Variants in PAPPA2 observed in about 807,000 individuals in gnomAD.
PAPPA2 encodes pappalysin 2.
A neutral mutation model predicts 176.4 loss-of-function variants in PAPPA2; 86 were observed. The observed-to-expected ratio is 0.49, with a 90% CI of 0.41 to 0.58. The LOEUF is 0.58. Ranked by LOEUF, PAPPA2 falls within the 20% of genes least tolerant of loss-of-function variation. PAPPA2 has a pLI of 0.00. For missense variants in PAPPA2, 2,073 were observed against 2,256.9 expected (o/e 0.92, Z 1.65); for synonymous variants, 809 against 852.2 (o/e 0.95, Z 0.88).
In PAPPA2 at chr1:176,603,825, C is replaced by T. The variant is rs1392401756; in HGVS notation, c.1991+8230C>T. 3.9e-5 allele frequency among the ~76,000 whole-genome samples: 6 copies of T among 152,062 alleles called. No homozygotes were observed. In the East Asian group the frequency reaches 7.7e-4, roughly 20 times the overall value. On this transcript the variant is annotated intron_variant, in intron 3 of 22. Transcript: ENST00000367662. Reference sequence around the variant, plus strand: ...CACTTTTGCCCTTGCACTGTTGCCCCGAGTCTATTTTTAACATAGCAATCA... The same window carrying T: ...CACTTTTGCCCTTGCACTGTTGCCCTGAGTCTATTTTTAACATAGCAATCA...
intron 3 of PAPPA2, among the ~76,000 whole-genome samples, chr1:176,625,774 A>AG (rs1396258778): frequency 6.6e-6 from 1 of 152,228 alleles, no homozygotes; most frequent in East Asian, 1.9e-4. Flanking sequence ...TAATCCCTGT[A>AG]GTTTGGGAGG....
At chr1:176,716,902 C>A (rs1022625625) in intron 12 of PAPPA2, among the ~76,000 whole-genome samples, 3 of 152,116 alleles carry the variant, frequency 2.0e-5, no homozygotes, top group African/African-American at 7.2e-5. Context: ...TGAGACACTG[C>A]GCCCGGCCAC....
chr1:176,470,378 A>AAC (rs1168907292), intron 1 of PAPPA2, among the ~76,000 whole-genome samples: 3 of 152,202 alleles, frequency 2.0e-5, no homozygotes, highest in African/African-American at 7.2e-5. Flanking sequence ...CTCAATGGAC[A>AAC]GTTGTGTAAA....
At chr1:176,708,372 G>A (rs1660975158) in intron 10 of PAPPA2, among the ~76,000 whole-genome samples, 3 of 151,932 alleles carry the variant, frequency 2.0e-5, no homozygotes. Flanking sequence ...AGGTTTGAAG[G>A]AACCCCATTG....
intron 2 of PAPPA2, among the ~76,000 whole-genome samples, 158 bp downstream of exon 2, chr1:176,557,399 G>A (rs1345380162): frequency 4.6e-5 from 7 of 152,130 alleles, no homozygotes; most frequent in South Asian, 2.1e-4. Flanking sequence ...TAATCAGCAC[G>A]GCAGGATTCC....
intron 14 of PAPPA2, among the ~76,000 whole-genome samples, chr1:176,749,501 T>G (rs1663066195): frequency 6.6e-6 from 1 of 152,248 alleles, no homozygotes. Context: ...GTGTTTGTTG[T>G]ACATTCTATG....
At chr1:176,790,119 C>T in intron 18 of PAPPA2, 142 bp downstream of exon 18, 1 of 967,762 alleles carries the variant, frequency 1.0e-6, no homozygotes, top group Non-Finnish European at 1.5e-6. Context: ...TGGTATTATG[C>T]AATAGAAAAT....
intron 21 of PAPPA2, among the ~76,000 whole-genome samples, chr1:176,831,894 CT>C (rs997838596): frequency 9.2e-5 from 14 of 152,122 alleles, no homozygotes; most frequent in African/African-American, 3.4e-4. Context: ...CATTTCTTTT[CT>C]GTTTTTATAA....
At chr1:176,486,799 A>G (rs2223580) in intron 1 of PAPPA2, among the ~76,000 whole-genome samples, 56,469 of 151,948 alleles carry the variant, frequency 0.37, 12,352 homozygotes, top group African/African-American at 0.59. Context: ...GCGAGCATGA[A>G]AAAAAGCACA....
intron 2 of PAPPA2, among the ~76,000 whole-genome samples, chr1:176,572,994 A>G (rs1230558652): frequency 6.6e-6 from 1 of 152,230 alleles, no homozygotes; most frequent in Non-Finnish European, 1.5e-5. Flanking sequence ...TATTTATTTG[A>G]CTGAGAAGAG....
chr1:176,665,993 A>C (rs986148022), intron 3 of PAPPA2, among the ~76,000 whole-genome samples: 1 of 152,168 alleles, frequency 6.6e-6, no homozygotes, highest in African/African-American at 2.4e-5. Context: ...TATGTTGGGG[A>C]GTTGTTCGAA....
At chr1:176,634,629 C>T (rs962255818) in intron 3 of PAPPA2, among the ~76,000 whole-genome samples, 13 of 150,634 alleles carry the variant, frequency 8.6e-5, no homozygotes, top group Non-Finnish European at 1.6e-4. Flanking sequence ...ACACTTGAAC[C>T]CAGGTGATTT....
intron 1 of PAPPA2, among the ~76,000 whole-genome samples, chr1:176,516,764 A>G (rs1479598609): frequency 6.6e-6 from 1 of 152,196 alleles, no homozygotes; most frequent in East Asian, 1.9e-4. Context: ...GTTGTTTTCA[A>G]ATTATCCAGT....
At chr1:176,742,619 A>C (rs1662737425) in intron 14 of PAPPA2, among the ~76,000 whole-genome samples, 1 of 152,196 alleles carries the variant, frequency 6.6e-6, no homozygotes, top group Admixed American at 6.6e-5. Flanking sequence ...CAATGTAGTA[A>C]ATTTTGATAT....
At chr1:176,711,583 C>T (rs1367917879) in intron 11 of PAPPA2, among the ~76,000 whole-genome samples, 1 of 152,136 alleles carries the variant, frequency 6.6e-6, no homozygotes, top group Non-Finnish European at 1.5e-5. Context: ...TATTTGTAAC[C>T]ACCCAGTGTG....
At chr1:176,601,276 T>A (rs1654304997) in intron 3 of PAPPA2, among the ~76,000 whole-genome samples, 1 of 152,164 alleles carries the variant, frequency 6.6e-6, no homozygotes, top group Non-Finnish European at 1.5e-5. Flanking sequence ...CTTTACAGCC[T>A]CCAGAACTGC....
chr1:176,693,724 G>A (rs1314851273), intron 6 of PAPPA2, among the ~76,000 whole-genome samples: 2 of 152,120 alleles, frequency 1.3e-5, no homozygotes, highest in Non-Finnish European at 2.9e-5. Context: ...TAGTTTCATG[G>A]TCATCAGCGC....
At chr1:176,619,039 G>C (rs1408643037) in intron 3 of PAPPA2, among the ~76,000 whole-genome samples, 5 of 152,062 alleles carry the variant, frequency 3.3e-5, no homozygotes, top group Admixed American at 2.6e-4. Context: ...AGAGTCGAAG[G>C]GGGTATGGCT....
rs370277595 is a variant in PAPPA2 at position 176,702,621 on chromosome 1, G to A, written c.3251G>A (p.Gly1084Glu). ...GGTTTCCACAGGGAGGTCACACCTG[G>A]ACAGATGTATCAGTACCAAGTTCTA... ...RKFTDVEVTP[G>E]QMYQYQVLAE... is the part of the protein sequence containing the mutation. The change falls in exon 9 of 23, where the codon GGA becomes GAA. Residue 1084 changes from glycine (G) to glutamate (E), a missense_variant. Coordinates refer to ENST00000367662, the MANE Select transcript of PAPPA2 (RefSeq NM_020318.3). 42 of 1,613,986 alleles carry A rather than the reference G, an allele frequency of 2.6e-5. No individual in the cohort carries two copies. The highest frequency in any genetic ancestry group is 3.5e-5 in the Non-Finnish European group (41 of 1,180,032).
Sources: allele counts gnomAD v4.1 joint callset (sites outside exome capture counted in the v4.1 genomes callset), GRCh38; gene constraint gnomAD v4.1.1; transcripts MANE v1.5; gene names NCBI Gene and HGNC (gene_info 2026-07-23, HGNC 2026-07-21).